The following ARID1B variants were observed in gnomAD, a reference collection of about 807,000 sequenced individuals.
ARID1B encodes the protein AT-rich interaction domain 1B.
Under a neutral mutation model 212.3 loss-of-function variants are expected in ARID1B, and 30 were observed. The ratio of observed to expected loss-of-function variants is 0.14; its 90% CI spans 0.11 to 0.19. The LOEUF (loss-of-function observed/expected upper bound fraction) is 0.19. Ranked by LOEUF, ARID1B falls within the 10% of genes least tolerant of loss-of-function variation. The probability of loss-of-function intolerance (pLI) is 1.00; values close to 1 mark genes in which losing one functional copy is unlikely to be tolerated. For synonymous variants in ARID1B, 1,402 were observed against 1,301.7 expected (o/e 1.08, Z -1.66); for missense variants, 2,891 against 3,204.0 (o/e 0.90, Z 2.36).
At chr6:157,091,699 GT>G in intron 5 of ARID1B, among the ~76,000 whole-genome samples, 1 of 152,280 alleles carries the variant, frequency 6.6e-6, no homozygotes, top group South Asian at 2.1e-4. Context: ...TTCTCCTGGA[GT>G]TTTAGGTCTC....
chr6:157,020,818 T>A (rs1780189048), intron 4 of ARID1B, among the ~76,000 whole-genome samples: 1 of 152,252 alleles, frequency 6.6e-6, no homozygotes, highest in Non-Finnish European at 1.5e-5. Flanking sequence ...TACGTGAGTT[T>A]ATGCTGTACG....
chr6:156,862,032 C>A (rs1375646446), intron 2 of ARID1B, among the ~76,000 whole-genome samples: 1 of 152,156 alleles, frequency 6.6e-6, no homozygotes, highest in Non-Finnish European at 1.5e-5. Flanking sequence ...TCAAGGAATC[C>A]AGGAGGAACA....
chr6:157,138,619 A>G (rs925800572), intron 7 of ARID1B, among the ~76,000 whole-genome samples: 3 of 152,164 alleles, frequency 2.0e-5, no homozygotes, highest in African/African-American at 7.2e-5. Context: ...TGCAGTCAAA[A>G]GACTTCCCCT....
intron 4 of ARID1B, among the ~76,000 whole-genome samples, chr6:157,067,409 G>T (rs180756600): frequency 2.0e-5 from 3 of 152,316 alleles, no homozygotes; most frequent in South Asian, 4.1e-4. Flanking sequence ...AAACTGGCCT[G>T]GTGCTAAGAC....
In ARID1B at chr6:157,084,405, G is replaced by A. The variant is rs185735721; in HGVS notation, c.2248-257G>A. Among the ~76,000 whole-genome samples the A allele has an allele frequency of 3.1e-3, 479 of 152,232 alleles. 1 individual carries two copies. Among genetic ancestry groups the A allele is most frequent in the Non-Finnish European group, 5.2e-3 (357 of 68,014 alleles). ...TGGACTCGGTGCTGACAGCTGAAGG[G>A]CAAACTGTATGGGGATGGTTTTATC... On this transcript the variant is annotated intron_variant, in intron 4 of 19. Coordinates refer to ENST00000636930, the MANE Select transcript of ARID1B (RefSeq NM_001374828.1).
Position 156,956,737 on chromosome 6 carries a change from T to TCAGCA in ARID1B, c.2247+21163_2247+21167dup, listed in dbSNP as rs535575456. Among the ~76,000 whole-genome samples, 8 of 152,308 alleles carry TCAGCA rather than the reference T, an allele frequency of 5.3e-5. No individual in the cohort carries two copies. The East Asian group carries it at 1.5e-3, about 29-fold the overall frequency. ...TGCAGGGACTTTGGGATATTCTGGA[T>TCAGCA]CAGCACTGTCCAGTAGAACTTTCTG... On this transcript the variant is annotated intron_variant, in intron 4 of 19. Coordinates refer to ENST00000636930, the MANE Select transcript of ARID1B (RefSeq NM_001374828.1).
chr6:156,825,305 GA>G (rs1782664539), intron 1 of ARID1B, among the ~76,000 whole-genome samples: 1 of 152,218 alleles, frequency 6.6e-6, no homozygotes, highest in African/African-American at 2.4e-5. Flanking sequence ...ACCATAAGGA[GA>G]AGTTAAAATT....
chr6:157,134,588 C>A (rs1350799082), intron 7 of ARID1B, among the ~76,000 whole-genome samples: 1 of 152,172 alleles, frequency 6.6e-6, no homozygotes, highest in South Asian at 2.1e-4. Context: ...GAATTTCAGT[C>A]CCAGTTGACA....
At chr6:157,004,745 G>A (rs1779107192) in intron 4 of ARID1B, among the ~76,000 whole-genome samples, 1 of 152,082 alleles carries the variant, frequency 6.6e-6, no homozygotes, top group African/African-American at 2.4e-5. Flanking sequence ...AGGGGAGGGT[G>A]TTGGGAAAGT....
intron 15 of ARID1B, chr6:157,194,513 A>G (rs1461354119): frequency 6.6e-6 from 1 of 152,242 alleles, no homozygotes; most frequent in Non-Finnish European, 1.5e-5. Flanking sequence ...AATTTATATT[A>G]AAATGTTTAA....
intron 3 of ARID1B, among the ~76,000 whole-genome samples, chr6:156,932,634 A>G (rs1791841515): frequency 1.3e-5 from 2 of 152,206 alleles, no homozygotes. Flanking sequence ...CTTGAGATGA[A>G]AATAAGTATG....
At chr6:156,962,897 C>T (rs1794490303) in intron 4 of ARID1B, among the ~76,000 whole-genome samples, 1 of 152,016 alleles carries the variant, frequency 6.6e-6, no homozygotes, top group East Asian at 1.9e-4. Context: ...ATTCACCTGC[C>T]TCAGCCTCCC....
chr6:157,064,589 G>C (rs1289473855), intron 4 of ARID1B, among the ~76,000 whole-genome samples: 1 of 152,174 alleles, frequency 6.6e-6, no homozygotes, highest in Non-Finnish European at 1.5e-5. Flanking sequence ...CTGTCAAGTG[G>C]AGAACGCACA....
At chr6:157,022,698 T>C (rs892607583) in intron 4 of ARID1B, 2 of 152,262 alleles carry the variant, frequency 1.3e-5, no homozygotes, top group Admixed American at 6.5e-5. Flanking sequence ...GTGAACTATA[T>C]AATTTGACCA....
intron 4 of ARID1B, chr6:156,976,825 A>G (rs41487150): frequency 0.19 from 109,036 of 575,880 alleles, 11,544 homozygotes; most frequent in Non-Finnish European, 0.22. Flanking sequence ...TACATTGGCA[A>G]ATTTGAAATC....
intron 1 of ARID1B, among the ~76,000 whole-genome samples, chr6:156,801,592 A>G (rs186968852): frequency 1.7e-4 from 26 of 152,278 alleles, no homozygotes; most frequent in Admixed American, 7.2e-4. Context: ...ACCACATTAT[A>G]AACAAGGAAA....
At chr6:157,161,431 GTATATA>G (rs199731974) in intron 8 of ARID1B, among the ~76,000 whole-genome samples, 9 of 139,374 alleles carry the variant, frequency 6.5e-5, no homozygotes, top group East Asian at 2.0e-4. Context: ...TTGTGTGTGT[GTATATA>G]TATATATATA....
At chr6:156,947,880 A>G (rs567170872) in intron 4 of ARID1B, among the ~76,000 whole-genome samples, 17 of 152,312 alleles carry the variant, frequency 1.1e-4, no homozygotes, top group African/African-American at 3.8e-4. Context: ...CTTAACATGC[A>G]TGTATTTTTA....
upstream of ARID1B, chr6:156,777,249 G>C (rs1054138691): frequency 1.3e-5 from 2 of 150,796 alleles, no homozygotes; most frequent in African/African-American, 4.9e-5. Flanking sequence ...AAGCCCGGCT[G>C]GGTCCCGCGA....
Sources: allele counts gnomAD v4.1 joint callset (sites outside exome capture counted in the v4.1 genomes callset), GRCh38; gene constraint gnomAD v4.1.1; transcripts MANE v1.5; gene names NCBI Gene and HGNC (gene_info 2026-07-23, HGNC 2026-07-21).